PPFIBP1: variants seen among roughly 807,000 people sequenced by gnomAD.
The protein encoded by PPFIBP1 is PPFIB scaffold protein 1.
In PPFIBP1, 112 loss-of-function variants were observed where a neutral mutation model predicts 137.8. That is an observed-to-expected ratio of 0.81 (90% CI 0.70 to 0.95). The LOEUF (loss-of-function observed/expected upper bound fraction) is 0.95, where lower values mean the gene tolerates loss of function less well. PPFIBP1 is among the 40% of genes least tolerant of loss of function. The probability of loss-of-function intolerance (pLI) is 0.00; values close to 1 mark genes in which losing one functional copy is unlikely to be tolerated. For synonymous variants in PPFIBP1, 378 were observed against 417.3 expected (o/e 0.91, Z 1.15); for missense variants, 1,083 against 1,196.6 (o/e 0.91, Z 1.40).
At chr12:27,612,926 ACATCAT>A (rs71039826) in intron 2 of PPFIBP1, among the ~76,000 whole-genome samples, 25,258 of 148,830 alleles carry the variant, frequency 0.17, 2,281 homozygotes, top group Non-Finnish European at 0.21. Context: ...TAGATAATAC[ACATCAT>A]CATCATCATC....
At position 27,694,371 on chromosome 12, in the gene PPFIBP1, G is replaced by A. The variant is rs1482637591; in HGVS notation, c.*1489G>A. On this transcript the variant is annotated 3_prime_UTR_variant, in exon 30 of 30. Coordinates refer to ENST00000228425, the MANE Select transcript of PPFIBP1 (RefSeq NM_003622.4). ...CCTCTCCCCAAAATTTGTAGAAATA[G>A]TTTTTGAGGAAGCCAAAAGCAAAGC... 2 of 152,144 alleles carry A rather than the reference G, an allele frequency of 1.3e-5. No individual in the cohort carries two copies. The highest frequency in any genetic ancestry group is 2.9e-5 in the Non-Finnish European group (2 of 68,034). 9.4% of individuals were successfully genotyped at this position (152,144 alleles called of 1,614,324 possible). A position where few individuals can be genotyped will look rare whatever the true frequency, so the allele number is the denominator to read the frequency against.
At chr12:27,672,034 C>G (rs530997562) in intron 14 of PPFIBP1, among the ~76,000 whole-genome samples, 3 of 152,068 alleles carry the variant, frequency 2.0e-5, no homozygotes, top group African/African-American at 4.8e-5. Flanking sequence ...TCACATCACT[C>G]TACTCCAGCC....
chr12:27,601,248 A>G (rs1346023284), intron 2 of PPFIBP1, among the ~76,000 whole-genome samples: 1 of 152,242 alleles, frequency 6.6e-6, no homozygotes, highest in African/African-American at 2.4e-5. Flanking sequence ...CCTTATTTCA[A>G]CTGCTTTTTT....
At chr12:27,604,419 G>T (rs2054299755) in intron 2 of PPFIBP1, among the ~76,000 whole-genome samples, 1 of 152,124 alleles carries the variant, frequency 6.6e-6, no homozygotes, top group African/African-American at 2.4e-5. Context: ...TGAGATGAGG[G>T]TTGGATGTCT....
chr12:27,624,333 A>G (rs1310650797), intron 2 of PPFIBP1, among the ~76,000 whole-genome samples: 1 of 152,238 alleles, frequency 6.6e-6, no homozygotes, highest in Non-Finnish European at 1.5e-5. Flanking sequence ...AACAATAGCT[A>G]GTAAGAGTAG....
At chr12:27,655,266 G>A (rs1398964811) in intron 8 of PPFIBP1, 11 of 1,370,304 alleles carry the variant, frequency 8.0e-6, no homozygotes, top group Non-Finnish European at 1.1e-5. Context: ...TGGGGTCCAT[G>A]GCCTGTTGCT....
At chr12:27,676,987 C>G in intron 18 of PPFIBP1, 77 bp from the exon 19 acceptor site, 1 of 1,600,400 alleles carries the variant, frequency 6.2e-7, no homozygotes, top group Non-Finnish European at 8.6e-7. Flanking sequence ...GGAGTCTGAT[C>G]TGCATTTCAT....
intron 2 of PPFIBP1, among the ~76,000 whole-genome samples, chr12:27,604,096 G>A (rs1276994274): frequency 1.3e-5 from 2 of 152,166 alleles, no homozygotes; most frequent in African/African-American, 2.4e-5. Context: ...AAGTGGGGAT[G>A]GGGTGGAAGT....
At chr12:27,550,917 A>G (rs1055953589) in intron 1 of PPFIBP1, among the ~76,000 whole-genome samples, 1 of 151,488 alleles carries the variant, frequency 6.6e-6, no homozygotes, top group Non-Finnish European at 1.5e-5. Flanking sequence ...GTTGGTGTTT[A>G]TCACTCACTT....
intron 1 of PPFIBP1, among the ~76,000 whole-genome samples, chr12:27,576,844 C>T (rs1292480451): frequency 6.6e-6 from 1 of 152,168 alleles, no homozygotes; most frequent in Non-Finnish European, 1.5e-5. Flanking sequence ...ATCGCTGTGC[C>T]CATGGCTGCA....
intron 1 of PPFIBP1, among the ~76,000 whole-genome samples, chr12:27,565,815 AC>A (rs1157306453): frequency 1.3e-5 from 2 of 152,086 alleles, no homozygotes; most frequent in Non-Finnish European, 2.9e-5. Flanking sequence ...GATTGTACTA[AC>A]CCGAATTTTC....
At chr12:27,557,733 C>T (rs1364615134) in intron 1 of PPFIBP1, among the ~76,000 whole-genome samples, 2 of 152,114 alleles carry the variant, frequency 1.3e-5, no homozygotes, top group African/African-American at 4.8e-5. Flanking sequence ...GAAAAGTCTC[C>T]AACACTGTTG....
chr12:27,626,998 C>T (rs1275111573), intron 2 of PPFIBP1, among the ~76,000 whole-genome samples: 1 of 152,050 alleles, frequency 6.6e-6, no homozygotes, highest in African/African-American at 2.4e-5. Flanking sequence ...TAGGTATGTG[C>T]CTTTATGGGG....
At chr12:27,560,483 A>T (rs2049065622) in intron 1 of PPFIBP1, among the ~76,000 whole-genome samples, 1 of 152,220 alleles carries the variant, frequency 6.6e-6, no homozygotes, top group Non-Finnish European at 1.5e-5. Context: ...TCAGGTGAAC[A>T]CATGATTTGC....
intron 2 of PPFIBP1, among the ~76,000 whole-genome samples, chr12:27,602,058 G>C (rs2137784565): frequency 1.3e-5 from 2 of 152,330 alleles, no homozygotes; most frequent in East Asian, 3.9e-4. Flanking sequence ...AGTCCTGTTG[G>C]ACAGAGCTGC....
intron 5 of PPFIBP1, 178 bp downstream of exon 5, chr12:27,646,326 C>T: frequency 1.5e-6 from 1 of 647,200 alleles, no homozygotes; most frequent in South Asian, 1.5e-5. Flanking sequence ...TGTTTACACC[C>T]AGTTTAAAAG....
chr12:27,525,252 C>T (rs1211917818), intron 1 of PPFIBP1, among the ~76,000 whole-genome samples: 4 of 152,120 alleles, frequency 2.6e-5, no homozygotes, highest in Admixed American at 1.3e-4. Flanking sequence ...AGAAAAAGAA[C>T]TTGATTTCAA....
At chr12:27,571,936 A>G (rs1390280247) in intron 1 of PPFIBP1, among the ~76,000 whole-genome samples, 1 of 152,176 alleles carries the variant, frequency 6.6e-6, no homozygotes, top group African/African-American at 2.4e-5. Flanking sequence ...CATTTTCAAA[A>G]AGATAGAACA....
At chr12:27,646,562 T>C (rs369442780) in intron 5 of PPFIBP1, among the ~76,000 whole-genome samples, 3 of 152,152 alleles carry the variant, frequency 2.0e-5, no homozygotes, top group South Asian at 4.1e-4. Flanking sequence ...TTTTTAAGTA[T>C]ATTTTAATAT....
Sources: gnomAD v4.1 joint callset for allele counts (sites outside exome capture counted in the v4.1 genomes callset) on GRCh38, gnomAD v4.1.1 for gene constraint, MANE v1.5 for transcripts, NCBI Gene and HGNC (gene_info 2026-07-23, HGNC 2026-07-21) for gene names.